Variants in CSRNP3 observed in about 807,000 individuals in gnomAD.
CSRNP3 encodes the protein cysteine/serine-rich nuclear protein 3.
A neutral mutation model predicts 48.0 loss-of-function variants in CSRNP3; 12 were observed. The ratio of observed to expected loss-of-function variants is 0.25; its 90% confidence interval spans 0.16 to 0.41. The LOEUF is 0.41. Ranked by LOEUF, CSRNP3 falls within the 10% of genes least tolerant of loss-of-function variation. CSRNP3 has a pLI of 1.00. For missense variants in CSRNP3, 580 were observed against 724.4 expected, an observed-to-expected ratio of 0.80 and a Z score of 2.29; for synonymous variants, 263 against 269.7, an observed-to-expected ratio of 0.98 and a Z score of 0.24.
chr2:165,515,007 T>G (rs1465877895), intron 2 of CSRNP3, among the ~76,000 whole-genome samples: 1 of 152,210 alleles, frequency 6.6e-6, no homozygotes, highest in Non-Finnish European at 1.5e-5. Flanking sequence ...CCTTTGCCTC[T>G]GTCTAAATTA....
chr2:165,616,751 A>G (rs1686251249), intron 4 of CSRNP3, among the ~76,000 whole-genome samples: 1 of 152,170 alleles, frequency 6.6e-6, no homozygotes, highest in Non-Finnish European at 1.5e-5. Context: ...TGAATTAAAT[A>G]TATGTTGGAT....
At chr2:165,677,997 A>G (rs1687456470) in intron 6 of CSRNP3, among the ~76,000 whole-genome samples, 1 of 152,150 alleles carries the variant, frequency 6.6e-6, no homozygotes. Context: ...GGGGGGACTC[A>G]GGACCTAAAC....
At chr2:165,677,937 G>A (rs989783302) in intron 6 of CSRNP3, among the ~76,000 whole-genome samples, 21 of 152,112 alleles carry the variant, frequency 1.4e-4, no homozygotes, top group African/African-American at 4.1e-4. Context: ...TTGATGAAAC[G>A]TACATGCCCT....
intron 4 of CSRNP3, among the ~76,000 whole-genome samples, chr2:165,620,794 A>G (rs966834309): frequency 2.6e-5 from 4 of 152,124 alleles, no homozygotes; most frequent in African/African-American, 7.2e-5. Flanking sequence ...TCATAGAAGA[A>G]GTTTATCTGT....
At chr2:165,580,859 G>A (rs1558940130) in intron 3 of CSRNP3, among the ~76,000 whole-genome samples, 1 of 128,174 alleles carries the variant, frequency 7.8e-6, no homozygotes, top group Non-Finnish European at 1.8e-5. Context: ...ATCCATGTGT[G>A]TTTTGTTTTT....
At chr2:165,568,549 G>T (rs1685327039) in intron 3 of CSRNP3, among the ~76,000 whole-genome samples, 1 of 152,112 alleles carries the variant, frequency 6.6e-6, no homozygotes, top group Non-Finnish European at 1.5e-5. Flanking sequence ...CCTCAGGGCA[G>T]TGAATCCTCT....
intron 3 of CSRNP3, among the ~76,000 whole-genome samples, chr2:165,560,773 C>A (rs1685224392): frequency 6.6e-6 from 1 of 152,158 alleles, no homozygotes; most frequent in Non-Finnish European, 1.5e-5. Flanking sequence ...TTGTTAACTG[C>A]TCGATCAGAT....
At chr2:165,561,413 T>A (rs1013592117) in intron 3 of CSRNP3, among the ~76,000 whole-genome samples, 5 of 152,082 alleles carry the variant, frequency 3.3e-5, no homozygotes, top group African/African-American at 1.2e-4. Context: ...AAAATGAGAA[T>A]GGTTGATTTT....
At chr2:165,553,049 T>C (rs1433424495) in intron 3 of CSRNP3, among the ~76,000 whole-genome samples, 1 of 152,194 alleles carries the variant, frequency 6.6e-6, no homozygotes, top group Admixed American at 6.5e-5. Flanking sequence ...CTTCCAGTGG[T>C]AGTTTTGTGA....
intron 4 of CSRNP3, among the ~76,000 whole-genome samples, chr2:165,649,886 CAAA>C (rs1003024762): frequency 2.1e-4 from 32 of 152,146 alleles, no homozygotes; most frequent in Non-Finnish European, 1.0e-4. Flanking sequence ...AACTTAATTC[CAAA>C]ACATTGGGTA....
intron 3 of CSRNP3, among the ~76,000 whole-genome samples, chr2:165,583,731 A>G (rs1010309578): frequency 2.6e-5 from 4 of 152,206 alleles, no homozygotes; most frequent in Non-Finnish European, 5.9e-5. Context: ...CATGTTTTAC[A>G]CTAGTAAATA....
At chr2:165,662,619 T>C (rs949936490) in intron 5 of CSRNP3, among the ~76,000 whole-genome samples, 7 of 152,226 alleles carry the variant, frequency 4.6e-5, no homozygotes, top group Admixed American at 3.9e-4. Context: ...TATTCCCAAT[T>C]CACATGTATC....
At chr2:165,540,853 C>T (rs895605842) in intron 3 of CSRNP3, among the ~76,000 whole-genome samples, 3 of 151,926 alleles carry the variant, frequency 2.0e-5, no homozygotes, top group Non-Finnish European at 2.9e-5. Flanking sequence ...TTTGGTAGTC[C>T]TTCTCTATTT....
chr2:165,571,080 G>T (rs998445085), intron 3 of CSRNP3, among the ~76,000 whole-genome samples: 9 of 151,652 alleles, frequency 5.9e-5, no homozygotes, highest in Non-Finnish European at 1.2e-4. Flanking sequence ...TGCCCCAAAA[G>T]AATTTCTTAC....
intron 1 of CSRNP3, among the ~76,000 whole-genome samples, chr2:165,470,795 G>C (rs1420229805): frequency 6.6e-6 from 1 of 151,900 alleles, no homozygotes; most frequent in African/African-American, 2.4e-5. Flanking sequence ...GAACTTTCAA[G>C]AATTATGACT....
intron 2 of CSRNP3, among the ~76,000 whole-genome samples, chr2:165,505,023 G>T (rs1334372699): frequency 6.6e-6 from 1 of 151,958 alleles, no homozygotes; most frequent in Non-Finnish European, 1.5e-5. Context: ...TACATTGTAT[G>T]GATTAGAGAA....
intron 4 of CSRNP3, among the ~76,000 whole-genome samples, chr2:165,596,297 T>C (rs1422733141): frequency 6.6e-6 from 1 of 152,132 alleles, no homozygotes; most frequent in Non-Finnish European, 1.5e-5. Context: ...AAAATTTATG[T>C]TCCTTAAACA....
At chr2:165,572,713 T>C (rs1358191726) in intron 3 of CSRNP3, 1 of 152,188 alleles carries the variant, frequency 6.6e-6, no homozygotes, top group African/African-American at 2.4e-5. Context: ...ATATTAAGGA[T>C]GCACTTGAAT....
At chr2:165,533,777 TTTA>T (rs1684846558) in intron 3 of CSRNP3, among the ~76,000 whole-genome samples, 1 of 152,080 alleles carries the variant, frequency 6.6e-6, no homozygotes, top group Non-Finnish European at 1.5e-5. Context: ...AGACAAGTAG[TTTA>T]TTTTCTTATT....
Sources: allele counts gnomAD v4.1 joint callset (sites outside exome capture counted in the v4.1 genomes callset), GRCh38; gene constraint gnomAD v4.1.1; transcripts MANE v1.5; gene names NCBI Gene and HGNC (gene_info 2026-07-23, HGNC 2026-07-21).